HSDL1: variants seen among roughly 807,000 people sequenced by gnomAD.
The protein encoded by HSDL1 is hydroxysteroid dehydrogenase like 1.
HSDL1 carries 29 observed loss-of-function variants against 31.5 expected under a neutral mutation model. The ratio of observed to expected loss-of-function variants is 0.92; its 90% confidence interval spans 0.69 to 1.26. HSDL1 has a LOEUF of 1.26. HSDL1 is among the 50% of genes most tolerant of loss of function. The pLI, the probability that HSDL1 is intolerant of heterozygous loss-of-function variation, is 0.00. For missense variants in HSDL1, 503 were observed against 416.6 expected (o/e 1.21, Z -1.81); for synonymous variants, 222 against 155.2 (o/e 1.43, Z -3.20).
chr16:84,131,395 T>A lies in HSDL1; in HGVS notation c.-6-68A>T, dbSNP rs1409391681. The A allele has an allele frequency of 1.1e-5, 12 of 1,096,102 alleles. No homozygotes were observed. In the Admixed American group the frequency reaches 2.1e-4, roughly 19 times the overall value. The allele number at this position is 1,096,102 out of a possible 1,614,324, so 67.9% of individuals were successfully genotyped here. On this transcript the variant is annotated intron_variant, in intron 2 of 5. Transcript: ENST00000219439. The stretch of plus-strand genomic sequence containing the variant: ...ATTAAAGGAACATACACAGTCTGAG[T>A]GAAGACATCCAGCTGAGGGCATCAG...
intron 2 of HSDL1, among the ~76,000 whole-genome samples, chr16:84,132,221 T>C (rs746109182): frequency 6.6e-6 from 1 of 152,216 alleles, no homozygotes; most frequent in Non-Finnish European, 1.5e-5. Flanking sequence ...ATGTATTTCT[T>C]TGCTTTATTC....
Position 84,134,971 on chromosome 16 carries a change from C to A in HSDL1, c.-7+573G>T, listed in dbSNP as rs184065884. On this transcript the variant is annotated intron_variant, in intron 2 of 5. Transcript: ENST00000219439. ...ACTACAGGCCAGCCACGGTGGCTCG[C>A]GCCTGTAGTCCCAGCACTTTGGGAG... 3.4e-3 allele frequency among the ~76,000 whole-genome samples: 515 copies of A among 152,292 alleles called. 14 individuals carry two copies. The highest frequency in any genetic ancestry group is 0.03 in the Admixed American group (466 of 15,296).
chr16:84,124,729 C>A lies in HSDL1; in HGVS notation c.895-1G>T. 3 of 1,608,488 alleles carry A rather than the reference C, an allele frequency of 1.9e-6. No homozygotes were observed. Among genetic ancestry groups the A allele is most frequent in the Non-Finnish European group, 2.6e-6 (3 of 1,175,156 alleles). ...CAGGCATATACTGTGCAAAAAGAAA[C>A]TAAAAATGAAAGAGAAAAAGGTTGT... On this transcript the variant is annotated splice_acceptor_variant, in intron 5 of 5. Transcript: ENST00000219439. LOFTEE classifies it high-confidence loss of function.
intron 5 of HSDL1, among the ~76,000 whole-genome samples, chr16:84,127,028 T>C (rs1466642137): frequency 6.6e-6 from 1 of 152,132 alleles, no homozygotes; most frequent in African/African-American, 2.4e-5. Flanking sequence ...TAATTTTGAG[T>C]AAACTGTTCG....
chr16:84,129,889 TGA>T (rs1255490326), intron 4 of HSDL1, 95 bp downstream of exon 4: 24 of 1,412,564 alleles, frequency 1.7e-5, no homozygotes, highest in African/African-American at 2.9e-5. Context: ...TAAGCATATG[TGA>T]GTTGCTGACA....
rs188163614 is a variant in HSDL1, at chr16:84,140,820, C to T, written c.-69+4260G>A. 2.4e-4 allele frequency among the ~76,000 whole-genome samples: 36 copies of T among 151,128 alleles called. No homozygotes were observed. In the East Asian group the frequency reaches 5.3e-3, roughly 22 times the overall value. ...GTATTCTGAAACAGTAACAGTATTG[C>T]TGGCCGGGCGCGGTGGCTCACGCCT... On this transcript the variant is annotated intron_variant, in intron 1 of 5. Transcript: ENST00000219439.
At chr16:84,130,994 T>C in intron 3 of HSDL1, 108 bp downstream of exon 3, 1 of 897,010 alleles carries the variant, frequency 1.1e-6, no homozygotes, top group African/African-American at 1.7e-5. Context: ...ATAAGTTTTA[T>C]TTTTTTATCA....
At chr16:84,135,649 C>T (rs770901586) in intron 1 of HSDL1, 44 bp from the exon 2 acceptor site, 1 of 152,278 alleles carries the variant, frequency 6.6e-6, no homozygotes, top group Non-Finnish European at 1.5e-5. Context: ...TCCTCTTCCT[C>T]ATAGTTCAGC....
At chr16:84,138,444 G>C (rs1414750519) in intron 1 of HSDL1, among the ~76,000 whole-genome samples, 1 of 152,146 alleles carries the variant, frequency 6.6e-6, no homozygotes, top group Non-Finnish European at 1.5e-5. Flanking sequence ...CTTAAAATCT[G>C]CTTAGAGGGT....
At chr16:84,130,845 G>C (rs969103123) in intron 3 of HSDL1, 4 of 450,408 alleles carry the variant, frequency 8.9e-6, no homozygotes, top group Non-Finnish European at 1.2e-5. Flanking sequence ...AAAAGGAAAA[G>C]CACATAGTAG....
At chr16:84,140,419 C>T (rs1421663953) in intron 1 of HSDL1, among the ~76,000 whole-genome samples, 1 of 152,062 alleles carries the variant, frequency 6.6e-6, no homozygotes, top group Non-Finnish European at 1.5e-5. Flanking sequence ...TGCCCTCCAC[C>T]ATGCCCAGCT....
At chr16:84,144,438 T>C (rs993139334) in intron 1 of HSDL1, 17 of 152,412 alleles carry the variant, frequency 1.1e-4, no homozygotes, top group Admixed American at 3.9e-4. Context: ...GGGCTGCGTC[T>C]GGGTGGCACG....
intron 1 of HSDL1, among the ~76,000 whole-genome samples, chr16:84,142,615 T>C (rs1228476922): frequency 6.6e-6 from 1 of 151,954 alleles, no homozygotes; most frequent in Admixed American, 6.6e-5. Context: ...TTTGTATTTT[T>C]TTCTTTTTTA....
intron 1 of HSDL1, among the ~76,000 whole-genome samples, chr16:84,142,554 G>A (rs112706844): frequency 0.011 from 1,674 of 148,012 alleles, 26 homozygotes; most frequent in African/African-American, 0.039. Flanking sequence ...TTCTGCCTCA[G>A]CCTCCCAAGT....
chr16:84,134,073 TC>T (rs1486958848), intron 2 of HSDL1, among the ~76,000 whole-genome samples: 1 of 152,004 alleles, frequency 6.6e-6, no homozygotes, highest in Non-Finnish European at 1.5e-5. Flanking sequence ...TGCTCCCAAA[TC>T]CTTTGATTGA....
At chr16:84,126,929 A>G (rs2086613421) in intron 5 of HSDL1, among the ~76,000 whole-genome samples, 1 of 152,256 alleles carries the variant, frequency 6.6e-6, no homozygotes, top group Admixed American at 6.5e-5. Flanking sequence ...CTTTATACAG[A>G]AAACTACTCC....
chr16:84,131,040 A>G (rs1223760198), intron 3 of HSDL1, 62 bp downstream of exon 3: 1 of 1,287,246 alleles, frequency 7.8e-7, no homozygotes, highest in African/African-American at 1.5e-5. Flanking sequence ...TAAATTCAAT[A>G]GCTCCTTGAA....
chr16:84,125,857 A>G (rs2151183997), intron 5 of HSDL1, among the ~76,000 whole-genome samples: 1 of 152,352 alleles, frequency 6.6e-6, no homozygotes, highest in African/African-American at 2.4e-5. Context: ...TAATCCCAAC[A>G]CTTTGGGAGG....
intron 5 of HSDL1, among the ~76,000 whole-genome samples, chr16:84,126,264 T>C (rs916524894): frequency 2.6e-5 from 4 of 152,100 alleles, no homozygotes; most frequent in Non-Finnish European, 4.4e-5. Context: ...TACCTTGGGA[T>C]GGTATCTTGA....
Sources: allele counts gnomAD v4.1 joint callset (sites outside exome capture counted in the v4.1 genomes callset), GRCh38; gene constraint gnomAD v4.1.1; transcripts MANE v1.5; gene names NCBI Gene and HGNC (gene_info 2026-07-23, HGNC 2026-07-21).